SPAG16: variants seen among roughly 807,000 people sequenced by gnomAD.
SPAG16 encodes the protein sperm associated antigen 16.
SPAG16 carries 86 observed loss-of-function variants against 80.4 expected under a neutral mutation model. The ratio of observed to expected loss-of-function variants is 1.07; its 90% CI spans 0.90 to 1.28. The LOEUF (loss-of-function observed/expected upper bound fraction) is 1.28. SPAG16 is among the 50% of genes most tolerant of loss of function. SPAG16 has a pLI of 0.00. For missense variants in SPAG16, 870 were observed against 765.3 expected (o/e 1.14, Z -1.61); for synonymous variants, 294 against 265.9 (o/e 1.11, Z -1.03).
chr2:213,414,839 T>C (rs764485536), intron 9 of SPAG16, among the ~76,000 whole-genome samples: 4 of 152,258 alleles, frequency 2.6e-5, no homozygotes, highest in Admixed American at 6.5e-5. Flanking sequence ...ATGGACTATA[T>C]ATGTATATAA....
At chr2:214,247,030 C>T (rs1689898230) in intron 15 of SPAG16, among the ~76,000 whole-genome samples, 1 of 151,970 alleles carries the variant, frequency 6.6e-6, no homozygotes, top group Non-Finnish European at 1.5e-5. Context: ...GTTTTAATTA[C>T]ACCAAGACAC....
chr2:213,428,450 C>G (rs1002187363), intron 9 of SPAG16, among the ~76,000 whole-genome samples: 7 of 152,154 alleles, frequency 4.6e-5, no homozygotes, highest in Non-Finnish European at 1.0e-4. Context: ...CTAGCTCATA[C>G]AAAGCCAGGT....
intron 10 of SPAG16, among the ~76,000 whole-genome samples, chr2:213,748,074 G>A (rs1307848544): frequency 1.3e-5 from 2 of 152,170 alleles, no homozygotes; most frequent in Admixed American, 6.5e-5. Context: ...ATTTAAAAAT[G>A]TATCAATTCT....
At chr2:213,467,972 C>G (rs1460565824) in intron 9 of SPAG16, among the ~76,000 whole-genome samples, 2 of 152,198 alleles carry the variant, frequency 1.3e-5, no homozygotes, top group Non-Finnish European at 2.9e-5. Flanking sequence ...TCTCCTCTCT[C>G]TCTCTTCAGT....
chr2:213,291,165 T>C (rs542546293), intron 1 of SPAG16, among the ~76,000 whole-genome samples: 1 of 152,080 alleles, frequency 6.6e-6, no homozygotes, highest in Non-Finnish European at 1.5e-5. Context: ...ATCTGCTGCA[T>C]CTTAATCATA....
At chr2:213,675,044 C>G (rs1434894001) in intron 10 of SPAG16, among the ~76,000 whole-genome samples, 4 of 150,744 alleles carry the variant, frequency 2.7e-5, no homozygotes, top group African/African-American at 9.9e-5. Context: ...TCTCCAGCAC[C>G]TGTTGTTTCC....
chr2:213,352,017 G>C (rs772375296), intron 7 of SPAG16, among the ~76,000 whole-genome samples: 1 of 151,906 alleles, frequency 6.6e-6, no homozygotes, highest in Non-Finnish European at 1.5e-5. Context: ...CAAGAGATCT[G>C]GTGGTTGTAT....
At chr2:213,857,178 C>T (rs545990012) in intron 10 of SPAG16, among the ~76,000 whole-genome samples, 68 of 152,158 alleles carry the variant, frequency 4.5e-4, no homozygotes, top group South Asian at 1.5e-3. Context: ...TGCAGTGAGC[C>T]GAGATCACTC....
At chr2:213,396,487 G>C (rs1304797245) in intron 9 of SPAG16, 1 of 220,198 alleles carries the variant, frequency 4.5e-6, no homozygotes, top group Non-Finnish European at 9.5e-6. Context: ...AAATAAGCTT[G>C]TTCCTTTGTT....
intron 9 of SPAG16, among the ~76,000 whole-genome samples, chr2:213,431,674 A>G (rs1222029795): frequency 2.0e-5 from 3 of 152,100 alleles, no homozygotes; most frequent in Non-Finnish European, 2.9e-5. Context: ...CACCCTACGG[A>G]CACACTATAA....
intron 15 of SPAG16, chr2:214,240,794 T>G (rs1210696772): frequency 6.6e-6 from 1 of 152,204 alleles, no homozygotes; most frequent in Non-Finnish European, 1.5e-5. Context: ...AGCATTTATT[T>G]TATGTGAAAG....
rs557586050 is a variant in SPAG16, at chr2:213,332,999, G to A, written c.537-7164G>A. Among the ~76,000 whole-genome samples the A allele has an allele frequency of 3.9e-5, 6 of 152,208 alleles. 1 individual carries two copies. Among genetic ancestry groups the A allele is most frequent in the Admixed American group, 2.0e-4 (3 of 15,294 alleles). ...ATTGTCACCACTATTATTCAATGTA[G>A]TAGTGGAAGTCCAAGCAATCAGACA... is the stretch of plus-strand genomic sequence containing the variant. On this transcript the variant is annotated intron_variant, in intron 5 of 15. Coordinates refer to ENST00000331683, the MANE Select transcript of SPAG16 (RefSeq NM_024532.5).
intron 1 of SPAG16, among the ~76,000 whole-genome samples, chr2:213,286,359 A>G (rs1259109485): frequency 6.6e-6 from 1 of 152,180 alleles, no homozygotes; most frequent in Admixed American, 6.5e-5. Flanking sequence ...ATTTTGCTAT[A>G]TTCCATGCTG....
chr2:213,648,469 T>G (rs1315255477), intron 10 of SPAG16, among the ~76,000 whole-genome samples: 2 of 152,220 alleles, frequency 1.3e-5, no homozygotes, highest in African/African-American at 4.8e-5. Context: ...CACCTGCAGC[T>G]TCAGCAATGT....
chr2:213,811,374 C>T (rs547072421), intron 10 of SPAG16, among the ~76,000 whole-genome samples: 1 of 152,270 alleles, frequency 6.6e-6, no homozygotes, highest in African/African-American at 2.4e-5. Context: ...GCTTCCCTTT[C>T]TCTTTCCCTC....
chr2:213,310,174 A>T lies in SPAG16; in HGVS notation c.395A>T (p.Glu132Val). Reference sequence around the variant, plus strand: ...AGAACTCTTGATTGCTTTCAGTCTGAATGGTAAACAATTATGTAGATAAAT... The same window carrying T: ...AGAACTCTTGATTGCTTTCAGTCTGTATGGTAAACAATTATGTAGATAAAT... ...MTRTLDCFQS[E>V]WYELIQKGVT... The change falls in exon 4 of 16, where the codon GAA becomes GTA. Residue 132 changes from glutamate to valine, a missense_variant. Glu to Val is a moderately radical substitution (Grantham distance 121, BLOSUM62 -2). Transcript: ENST00000331683. 5 of 1,567,278 alleles carry T rather than the reference A, an allele frequency of 3.2e-6. No homozygotes were observed. The highest frequency in any genetic ancestry group is 4.4e-6 in the Non-Finnish European group (5 of 1,142,948).
At chr2:214,230,410 C>T (rs190077388) in intron 15 of SPAG16, among the ~76,000 whole-genome samples, 1 of 152,032 alleles carries the variant, frequency 6.6e-6, no homozygotes, top group East Asian at 1.9e-4. Context: ...GCAGCTCTGG[C>T]TGTGCACAAA....
intron 10 of SPAG16, among the ~76,000 whole-genome samples, chr2:213,773,154 G>C (rs113324964): frequency 6.6e-6 from 1 of 151,532 alleles, no homozygotes; most frequent in African/African-American, 2.4e-5. Flanking sequence ...TTTTAATTTA[G>C]TGTCTTATAA....
chr2:213,377,323 A>G (rs890741949), intron 9 of SPAG16, among the ~76,000 whole-genome samples: 11 of 152,230 alleles, frequency 7.2e-5, no homozygotes, highest in African/African-American at 2.7e-4. Flanking sequence ...AGGTGTAATC[A>G]TAATAACAAC....
Sources: allele counts gnomAD v4.1 joint callset (sites outside exome capture counted in the v4.1 genomes callset), GRCh38; gene constraint gnomAD v4.1.1; transcripts MANE v1.5; gene names NCBI Gene and HGNC (gene_info 2026-07-23, HGNC 2026-07-21).